The following CMIP variants were observed in gnomAD, a reference collection of about 807,000 sequenced individuals.
CMIP encodes C-Maf-inducing protein.
CMIP carries 13 observed loss-of-function variants against 97.3 expected under a neutral mutation model. The ratio of observed to expected loss-of-function variants is 0.13; its 90% CI spans 0.09 to 0.21. CMIP has a LOEUF of 0.21. Ranked by LOEUF, CMIP falls within the 10% of genes least tolerant of loss-of-function variation. The probability of loss-of-function intolerance (pLI) is 1.00; values close to 1 mark genes in which losing one functional copy is unlikely to be tolerated. For synonymous variants in CMIP, 538 were observed against 436.3 expected, an observed-to-expected ratio of 1.23 and a Z score of -2.91; for missense variants, 847 against 1,024.9, an observed-to-expected ratio of 0.83 and a Z score of 2.37.
intron 3 of CMIP, among the ~76,000 whole-genome samples, chr16:81,625,842 A>G (rs897009761): frequency 1.4e-4 from 22 of 152,200 alleles, no homozygotes; most frequent in Admixed American, 1.4e-3. Context: ...GCCGAGGCAC[A>G]CTAGTCCTGG....
intron 1 of CMIP, among the ~76,000 whole-genome samples, chr16:81,571,743 C>T (rs1191267229): frequency 2.0e-5 from 3 of 152,166 alleles, no homozygotes; most frequent in African/African-American, 7.2e-5. Flanking sequence ...GTGCACCTTG[C>T]GTGTGTCCCA....
intron 1 of CMIP, among the ~76,000 whole-genome samples, chr16:81,524,413 A>G (rs894893722): frequency 6.6e-6 from 1 of 152,232 alleles, no homozygotes; most frequent in Non-Finnish European, 1.5e-5. Context: ...TGGCTCTGCT[A>G]TGTCCTAGAC....
At chr16:81,694,037 A>C (rs1379464209) in intron 13 of CMIP, among the ~76,000 whole-genome samples, 3 of 152,200 alleles carry the variant, frequency 2.0e-5, no homozygotes, top group Non-Finnish European at 4.4e-5. Flanking sequence ...CTGGGCCCGC[A>C]TCATCTGATA....
At chr16:81,615,879 T>G (rs2091911120) in intron 2 of CMIP, among the ~76,000 whole-genome samples, 1 of 152,272 alleles carries the variant, frequency 6.6e-6, no homozygotes, top group South Asian at 2.1e-4. Flanking sequence ...CCCTTTGGCT[T>G]CTGATGGAAA....
At chr16:81,527,057 G>T (rs576532407) in intron 1 of CMIP, among the ~76,000 whole-genome samples, 4 of 152,346 alleles carry the variant, frequency 2.6e-5, no homozygotes, top group African/African-American at 9.6e-5. Flanking sequence ...GTGCAGTTCA[G>T]ACAACACGCG....
chr16:81,667,993 G>A (rs182408103), intron 7 of CMIP, among the ~76,000 whole-genome samples: 52 of 152,144 alleles, frequency 3.4e-4, no homozygotes, highest in African/African-American at 1.1e-3. Context: ...ACATGAAGAA[G>A]CCCCCAGCGG....
chr16:81,680,808 C>T (rs1012083782), intron 10 of CMIP, among the ~76,000 whole-genome samples: 13 of 152,320 alleles, frequency 8.5e-5, no homozygotes, highest in South Asian at 4.1e-4. Flanking sequence ...AGAGTGGCCC[C>T]GCTGTCCACT....
At chr16:81,495,602 G>A (rs1490806435) in intron 1 of CMIP, 1 of 1,206,978 alleles carries the variant, frequency 8.3e-7, no homozygotes. Flanking sequence ...CCACTTCTCA[G>A]AGGGTGGGCA....
At chr16:81,703,353 C>T (rs983960590) in intron 17 of CMIP, among the ~76,000 whole-genome samples, 1 of 152,084 alleles carries the variant, frequency 6.6e-6, no homozygotes, top group Non-Finnish European at 1.5e-5. Context: ...AGGAACCTCC[C>T]AGTCCGGTGC....
At chr16:81,613,434 C>T (rs140040437) in intron 2 of CMIP, among the ~76,000 whole-genome samples, 1 of 152,156 alleles carries the variant, frequency 6.6e-6, no homozygotes, top group Admixed American at 6.6e-5. Context: ...GCTCTGGATC[C>T]TTAGACTCTA....
intron 1 of CMIP, among the ~76,000 whole-genome samples, chr16:81,578,579 C>G (rs1321382864): frequency 6.6e-6 from 1 of 152,194 alleles, no homozygotes; most frequent in African/African-American, 2.4e-5. Flanking sequence ...GTGAATTTCC[C>G]CACCCCTTCC....
intron 1 of CMIP, among the ~76,000 whole-genome samples, chr16:81,451,950 A>G (rs1057405706): frequency 2.6e-5 from 4 of 152,208 alleles, no homozygotes; most frequent in African/African-American, 9.7e-5. Flanking sequence ...GACTGTGCGC[A>G]TTTTGAAAGG....
At chr16:81,594,448 A>T (rs2091517385) in intron 1 of CMIP, among the ~76,000 whole-genome samples, 1 of 150,988 alleles carries the variant, frequency 6.6e-6, no homozygotes, top group Non-Finnish European at 1.5e-5. Context: ...GTTGTAATCT[A>T]ATTCAAAGTG....
At chr16:81,657,086 C>G (rs1321862545) in intron 4 of CMIP, among the ~76,000 whole-genome samples, 1 of 152,000 alleles carries the variant, frequency 6.6e-6, no homozygotes, top group African/African-American at 2.4e-5. Flanking sequence ...CACATGTTCC[C>G]AAGCATTTTC....
At chr16:81,494,945 T>C (rs1231075429) in intron 1 of CMIP, among the ~76,000 whole-genome samples, 1 of 152,184 alleles carries the variant, frequency 6.6e-6, no homozygotes, top group African/African-American at 2.4e-5. Flanking sequence ...GATGAAGTCA[T>C]TGAGGTACAG....
intron 1 of CMIP, chr16:81,534,032 G>T (rs1202799278): frequency 2.0e-5 from 3 of 152,234 alleles, no homozygotes; most frequent in Non-Finnish European, 4.4e-5. Context: ...AGAGGGCCCC[G>T]TGAGAGCTAC....
At chr16:81,642,999 G>A (rs549152947) in intron 3 of CMIP, among the ~76,000 whole-genome samples, 99 of 152,314 alleles carry the variant, frequency 6.5e-4, no homozygotes, top group African/African-American at 2.3e-3. Flanking sequence ...CCTTGAGGAC[G>A]GTATGCTAAG....
At chr16:81,500,301 T>TCCTTCCTTCCTC (rs1200431349) in intron 1 of CMIP, among the ~76,000 whole-genome samples, 1 of 133,404 alleles carries the variant, frequency 7.5e-6, no homozygotes, top group Non-Finnish European at 1.6e-5. Flanking sequence ...CTTCCTTCCT[T>TCCTTCCTTCCTC]CCTGCCTCCC....
chr16:81,667,145 TG>T (rs2092612914), intron 7 of CMIP: 1 of 152,226 alleles, frequency 6.6e-6, no homozygotes, highest in South Asian at 2.1e-4. Flanking sequence ...TTCTGGGATT[TG>T]GGGGCTCCCC....
Sources: gnomAD v4.1 joint callset for allele counts (sites outside exome capture counted in the v4.1 genomes callset) on GRCh38, gnomAD v4.1.1 for gene constraint, MANE v1.5 for transcripts, NCBI Gene and HGNC (gene_info 2026-07-23, HGNC 2026-07-21) for gene names.